The following GALE variants were observed in gnomAD, a reference collection of about 807,000 sequenced individuals.
The protein encoded by GALE is UDP-glucose 4-epimerase.
In GALE, 32 loss-of-function variants were observed where a neutral mutation model predicts 44.1. The observed-to-expected ratio is 0.73, with a 90% CI of 0.55 to 0.97. GALE has a LOEUF of 0.97. Among genes scored for constraint, GALE ranks in the 50% least tolerant of loss-of-function variants. The pLI is 0.00. For synonymous variants in GALE, 182 were observed against 183.5 expected, an observed-to-expected ratio of 0.99 and a Z score of 0.06; for missense variants, 423 against 455.6, an observed-to-expected ratio of 0.93 and a Z score of 0.65.
At chr1:23,797,001 G>T (rs1209296035) in intron 7 of GALE, 33 bp downstream of exon 7, 1 of 1,608,270 alleles carries the variant, frequency 6.2e-7, no homozygotes, top group Non-Finnish European at 8.5e-7. Context: ...TTAACCCCAG[G>T]GCCACTCCTC....
rs753452780 is a variant in GALE at position 23,797,063 on chromosome 1, G to T, written c.613C>A (p.Pro205Thr). 6 of 1,613,736 alleles carry T rather than the reference G, an allele frequency of 3.7e-6. No homozygotes were observed. Among genetic ancestry groups the T allele is most frequent in the Admixed American group, 1.7e-5 (1 of 59,952 alleles). ...GAGACATAAGGCATGAGGTTGTTGG[G>T]TATGCCCTGGGGATCCTCACCAATG... ...GCIGEDPQGI[P>T]NNLMPYVSQV... The change falls in exon 7 of 12, where the codon CCC (proline) becomes ACC (threonine). Residue 205 changes from proline (P) to threonine (T), a missense_variant. Coordinates refer to ENST00000617979, the MANE Select transcript of GALE (RefSeq NM_001008216.2).
At position 23,795,928 on chromosome 1, in the gene GALE, GTCCTT is replaced by G. The variant is rs2148408693; in HGVS notation, c.*16_*20del. 1.2e-6 allele frequency: 2 copies of G among 1,611,548 alleles called. No individual in the cohort carries two copies. Among genetic ancestry groups the G allele is most frequent in the Non-Finnish European group, 1.7e-6 (2 of 1,178,322 alleles). On this transcript the variant is annotated 3_prime_UTR_variant, in exon 12 of 12. Transcript: ENST00000617979. ...GAGCAGGCAGCTGCTGCTTTTCCTG[GTCCTT>G]GGTAGGGGAGGGTCCTCAGGCTTGC... is the stretch of plus-strand genomic sequence containing the variant.
intron 6 of GALE, among the ~76,000 whole-genome samples, chr1:23,797,420 A>T (rs926625261): frequency 6.6e-6 from 1 of 152,108 alleles, no homozygotes; most frequent in African/African-American, 2.4e-5. Context: ...GGGTTTTACC[A>T]TGTTGTCCAG....
At position 23,798,047 on chromosome 1, in the gene GALE, G is replaced by T; in HGVS notation, c.351+70C>A. ...TGATACAGCTTGGGCTCTGTGTTTG[G>T]CACTGCCTGCCAGGCTGGGGTCCAG... On this transcript the variant is annotated intron_variant, in intron 5 of 11. Transcript: ENST00000617979. This position sits in a 1 kb window ranked among gnomAD's most constrained non-coding sequence, Gnocchi z 4.5. 1.4e-6 allele frequency: 2 copies of T among 1,392,590 alleles called. No homozygotes were observed. The highest frequency in any genetic ancestry group is 2.0e-6 in the Non-Finnish European group (2 of 977,918). 86.3% of individuals were successfully genotyped at this position (1,392,590 alleles called of 1,614,324 possible).
rs1283846269 is a variant in GALE, at chr1:23,797,860, G to T, written c.363C>A (p.Ala121=). The T allele has an allele frequency of 3.1e-6, 5 of 1,614,040 alleles. No homozygotes were observed. The highest frequency in any genetic ancestry group is 3.4e-6 in the Non-Finnish European group (4 of 1,180,016). Residue 121 remains alanine (A), a synonymous_variant, in exon 6 of 12, where the codon GCC becomes GCA. Transcript: ENST00000617979. ...TGAACACCAGGTTCTTCACCCCGTG[G>T]GCCTTCATGATCTGGCCGTGGAGAG... The part of the protein sequence containing the change: ...GTIQLLEIMK[A]HGVKNLVFSS...
chr1:23,796,494 G>GGT lies in GALE; in HGVS notation c.873+14_873+15insAC, dbSNP rs761560511. 2.5e-6 allele frequency: 4 copies of GGT among 1,606,958 alleles called. No individual in the cohort carries two copies. The Admixed American group carries it at 6.7e-5, about 27-fold the overall frequency. On this transcript the variant is annotated intron_variant, in intron 10 of 11. Coordinates refer to ENST00000617979, the MANE Select transcript of GALE (RefSeq NM_001008216.2). This position sits in a 1 kb window ranked among gnomAD's most constrained non-coding sequence, Gnocchi z 5.2. ...GGGGTGAGGTGGGTGAGGTGGGTGGGGCGGGGGGGCCTACCTTCTTCCCAG... is the reference window on the plus strand; with the variant it reads ...GGGGTGAGGTGGGTGAGGTGGGTGGGGTGCGGGGGGGCCTACCTTCTTCCCAG...
At position 23,796,579 on chromosome 1, in the gene GALE, T is replaced by C. The variant is rs750202529; in HGVS notation, c.803A>G (p.Asn268Ser). ...LKEQCGCRIY[N>S]LGTGTGYSVL... Reference sequence around the variant, plus strand: ...TGAATAGCCTGTGCCCGTGCCCAGGTTGTAGATCTGGCCCACGGAGAACAG... The same window carrying C: ...TGAATAGCCTGTGCCCGTGCCCAGGCTGTAGATCTGGCCCACGGAGAACAG... Residue 268 changes from asparagine to serine, a missense_variant, in exon 10 of 12, where the codon AAC (asparagine) becomes AGC (serine). Transcript: ENST00000617979. This position sits in a 1 kb window ranked among gnomAD's most constrained non-coding sequence, Gnocchi z 5.2. 6 of 1,613,860 alleles carry C rather than the reference T, an allele frequency of 3.7e-6. No individual in the cohort carries two copies. The highest frequency in any genetic ancestry group is 1.7e-4 in the Middle Eastern group (1 of 6,060).
chr1:23,799,439 G>C lies in GALE; in HGVS notation c.-76-3C>G. 9.9e-6 allele frequency: 3 copies of C among 302,482 alleles called. No homozygotes were observed. The highest frequency in any genetic ancestry group is 8.8e-5 in the South Asian group (3 of 34,102). The allele number at this position is 302,482 out of a possible 1,614,324, so 18.7% of individuals were successfully genotyped here. Reference sequence around the variant, plus strand: ...AGGTGACTGAGGACTGGAGAGTCCTGGGCAGAAGGAAAATGGCAGCACGAT... The same window carrying C: ...AGGTGACTGAGGACTGGAGAGTCCTCGGCAGAAGGAAAATGGCAGCACGAT... On this transcript the variant is annotated splice_polypyrimidine_tract_variant and splice_region_variant and intron_variant, in intron 1 of 11. Coordinates refer to ENST00000617979, the MANE Select transcript of GALE (RefSeq NM_001008216.2).
intron 1 of GALE, 163 bp from the exon 2 acceptor site, chr1:23,799,599 C>T: frequency 6.0e-6 from 1 of 167,582 alleles, no homozygotes; most frequent in South Asian, 1.4e-4. Context: ...CCCCCACCCC[C>T]TTTCCCTCAA....
In GALE at chr1:23,796,608, T is replaced by G. The variant is rs1638963990; in HGVS notation, c.796-22A>C. 3.7e-6 allele frequency: 6 copies of G among 1,613,678 alleles called. No individual in the cohort carries two copies. In the Admixed American group the frequency reaches 1.0e-4, roughly 27 times the overall value. The stretch of plus-strand genomic sequence containing the variant: ...AGATCTGGCCCACGGAGAACAGGGT[T>G]TATGGAGCGGGCTGGACTGACCACG... On this transcript the variant is annotated intron_variant, in intron 9 of 11. Transcript: ENST00000617979. This position sits in a 1 kb window ranked among gnomAD's most constrained non-coding sequence, Gnocchi z 5.2.
chr1:23,797,034 C>G lies in GALE; in HGVS notation c.642G>C (p.Gln214His), dbSNP rs756177345. The G allele has an allele frequency of 6.2e-7, 1 of 1,612,488 alleles. No individual in the cohort carries two copies. Among genetic ancestry groups the G allele is most frequent in the Non-Finnish European group, 8.5e-7 (1 of 1,179,058 alleles). Residue 214 changes from glutamine to histidine, a missense_variant and splice_region_variant, in exon 7 of 12, where the codon CAG becomes CAC. Physicochemically the swap from Gln to His is conservative, Grantham distance 24. Transcript: ENST00000617979. ...CTCTGTCCCTTCCCTTTTGCCTTAC[C>G]TGGGAGACATAAGGCATGAGGTTGT... Reference protein sequence around the residue: ...IPNNLMPYVSQVAIGRREALN... With the variant: ...IPNNLMPYVSHVAIGRREALN...
chr1:23,798,028 A>C lies in GALE; in HGVS notation c.351+89T>G. 2 of 1,335,404 alleles carry C rather than the reference A, an allele frequency of 1.5e-6. No homozygotes were observed. The highest frequency in any genetic ancestry group is 2.2e-6 in the Non-Finnish European group (2 of 925,912). 82.7% of individuals were successfully genotyped at this position (1,335,404 alleles called of 1,614,324 possible). ...TAAAGACATGAGTCCAGGATGATAC[A>C]GCTTGGGCTCTGTGTTTGGCACTGC... On this transcript the variant is annotated intron_variant, in intron 5 of 11. Coordinates refer to ENST00000617979, the MANE Select transcript of GALE (RefSeq NM_001008216.2). This position sits in a 1 kb window ranked among gnomAD's most constrained non-coding sequence, Gnocchi z 4.5.
Position 23,795,624 on chromosome 1 carries a change from T to G in GALE, c.*325A>C. 2.1e-6 allele frequency: 1 copy of G among 469,974 alleles called. No homozygotes were observed. The highest frequency in any genetic ancestry group is 2.5e-5 in the South Asian group (1 of 39,588). 29.1% of individuals were successfully genotyped at this position (469,974 alleles called of 1,614,324 possible). On this transcript the variant is annotated 3_prime_UTR_variant, in exon 12 of 12. Transcript: ENST00000617979. ...CCCAGTGTAAGAAAACTTGTTTTTA[T>G]TTTTAAATACTTTGGAAAGCTCTTT...
intron 2 of GALE, 82 bp from the exon 3 acceptor site, chr1:23,799,094 C>A (rs1639055082): frequency 1.9e-6 from 3 of 1,595,756 alleles, no homozygotes; most frequent in African/African-American, 1.3e-5. Context: ...GCCCCCTAAG[C>A]TCGCTTTGGA....
At chr1:23,799,468 G>A in intron 1 of GALE, 32 bp from the exon 2 acceptor site, 1 of 280,326 alleles carries the variant, frequency 3.6e-6, no homozygotes, top group Non-Finnish European at 7.0e-6. Flanking sequence ...GCACGATTGG[G>A]ACTCCAGGGT....
At position 23,799,433 on chromosome 1, in the gene GALE, A is replaced by C. The variant is rs1639062785; in HGVS notation, c.-73T>G. On this transcript the variant is annotated 5_prime_UTR_variant, in exon 2 of 12. Coordinates refer to ENST00000617979, the MANE Select transcript of GALE (RefSeq NM_001008216.2). Reference sequence around the variant, plus strand: ...TGTCCAAGGTGACTGAGGACTGGAGAGTCCTGGGCAGAAGGAAAATGGCAG... The same window carrying C: ...TGTCCAAGGTGACTGAGGACTGGAGCGTCCTGGGCAGAAGGAAAATGGCAG... 2 of 305,514 alleles carry C rather than the reference A, an allele frequency of 6.5e-6. No homozygotes were observed. Among genetic ancestry groups the C allele is most frequent in the African/African-American group, 2.2e-5 (1 of 45,812 alleles). 18.9% of individuals were successfully genotyped at this position (305,514 alleles called of 1,614,324 possible).
rs777545175 is a variant in GALE at position 23,796,695 on chromosome 1, A to C, written c.795+2T>G. 1.2e-6 allele frequency: 2 copies of C among 1,612,518 alleles called. No individual in the cohort carries two copies. Among genetic ancestry groups the C allele is most frequent in the Non-Finnish European group, 1.7e-6 (2 of 1,179,416 alleles). ...TCCCTCACTTCTCCCTTCTCTTCCT[A>C]CCCGGCAGCCACACTGTTCTTTCAG... On this transcript the variant is annotated splice_donor_variant, in intron 9 of 11. Coordinates refer to ENST00000617979, the MANE Select transcript of GALE (RefSeq NM_001008216.2). LOFTEE classifies it high-confidence loss of function. The surrounding 1 kb of genome is among the most constrained non-coding windows in gnomAD (Gnocchi z 5.2).
chr1:23,798,605 C>A lies in GALE; in HGVS notation c.237+10G>T, dbSNP rs752243793. On this transcript the variant is annotated intron_variant, in intron 4 of 11. Transcript: ENST00000617979. The surrounding 1 kb of genome is among the most constrained non-coding windows in gnomAD (Gnocchi z 4.5). Reference sequence around the variant, plus strand: ...ACAGGCGTGAGCCACCGTGCCCAGCCTGCACCCACCTTTTTGAAGAGACGC... The same window carrying A: ...ACAGGCGTGAGCCACCGTGCCCAGCATGCACCCACCTTTTTGAAGAGACGC... 6.3e-7 allele frequency: 1 copy of A among 1,599,310 alleles called. No homozygotes were observed.
In GALE at chr1:23,798,245, TG is replaced by T; in HGVS notation, c.238-16del. On this transcript the variant is annotated splice_polypyrimidine_tract_variant and intron_variant, in intron 4 of 11. Transcript: ENST00000617979. The surrounding 1 kb of genome is among the most constrained non-coding windows in gnomAD (Gnocchi z 4.5). ...ATAAAGCTGTACTGCAGGGGTGACA[TG>T]GCCAGAGGTTGCTCTACTGGTTTTA... is the stretch of plus-strand genomic sequence containing the variant. 6.3e-7 allele frequency: 1 copy of T among 1,591,802 alleles called. No individual in the cohort carries two copies. The highest frequency in any genetic ancestry group is 8.6e-7 in the Non-Finnish European group (1 of 1,160,314).
Sources: allele counts gnomAD v4.1 joint callset (sites outside exome capture counted in the v4.1 genomes callset), GRCh38; gene constraint gnomAD v4.1.1; non-coding constraint Gnocchi (gnomAD v3.1); transcripts MANE v1.5; gene names NCBI Gene and HGNC (gene_info 2026-07-23, HGNC 2026-07-21).